Variants in CDC7 observed in about 807,000 individuals in gnomAD.
CDC7 encodes the protein cell division cycle 7, also known as cell division cycle 7-related protein kinase.
CDC7 carries 34 observed loss-of-function variants against 53.5 expected under a neutral mutation model. That is an observed-to-expected ratio of 0.64 (90% CI 0.48 to 0.85). The LOEUF (loss-of-function observed/expected upper bound fraction) is 0.85. Ranked by LOEUF, CDC7 falls within the 40% of genes least tolerant of loss-of-function variation. CDC7 has a pLI of 0.00. For missense variants in CDC7, 594 were observed against 679.7 expected, an observed-to-expected ratio of 0.87 and a Z score of 1.40; for synonymous variants, 211 against 222.8, an observed-to-expected ratio of 0.95 and a Z score of 0.47.
chr1:91,512,269 A>C (rs1281132547), intron 6 of CDC7, among the ~76,000 whole-genome samples: 4 of 152,048 alleles, frequency 2.6e-5, no homozygotes, highest in African/African-American at 9.7e-5. Flanking sequence ...TGCACAGATT[A>C]TTTCTGTTTC....
chr1:91,514,127 A>G, intron 8 of CDC7, 84 bp downstream of exon 8: 1 of 841,664 alleles, frequency 1.2e-6, no homozygotes, highest in South Asian at 2.0e-5. Context: ...AACATTTATT[A>G]TCAGAAATTT....
rs181613348 is a variant in CDC7 at position 91,514,702 on chromosome 1, A to G, written c.919-117A>G. 3.3e-4 allele frequency: 228 copies of G among 700,448 alleles called. 1 individual carries two copies. Among genetic ancestry groups the G allele is most frequent in the Admixed American group, 2.5e-3 (76 of 30,612 alleles). 43.4% of individuals were successfully genotyped at this position (700,448 alleles called of 1,614,324 possible). Reference sequence around the variant, plus strand: ...TAGACAACAGTTTATTTACAGTCCAATAGCCATTCAGCAGTTTTTAAAGTT... The same window carrying G: ...TAGACAACAGTTTATTTACAGTCCAGTAGCCATTCAGCAGTTTTTAAAGTT... On this transcript the variant is annotated intron_variant, in intron 8 of 11. Transcript: ENST00000234626.
chr1:91,508,389 A>G lies in CDC7; in HGVS notation c.327A>G (p.Thr109=), dbSNP rs375362150. 1 of 1,609,206 alleles carries G rather than the reference A, an allele frequency of 6.2e-7. No homozygotes were observed. The highest frequency in any genetic ancestry group is 1.1e-5 in the South Asian group (1 of 90,168). ...IRIAAELQCL[T]VAGGQDNVMG... is the part of the protein sequence containing the mutation. ...TTGCAGCTGAACTTCAGTGCCTAACAGTGGCTGGGTAGGCAATTTAAACAT... is the reference window on the plus strand; with the variant it reads ...TTGCAGCTGAACTTCAGTGCCTAACGGTGGCTGGGTAGGCAATTTAAACAT... The change falls in exon 4 of 12, where the codon ACA becomes ACG. Residue 109 remains threonine (T), a synonymous_variant. Transcript: ENST00000234626.
rs369332221 is a variant in CDC7 at position 91,511,930 on chromosome 1, A to G, written c.572+7A>G. On this transcript the variant is annotated splice_region_variant and intron_variant, in intron 6 of 11. Transcript: ENST00000234626. ...ATAATAGGCGCCTGAAAAAGTAAGT[A>G]TGAAGAGTTACTAGAAAATATTTAT... The G allele has an allele frequency of 1.4e-5, 22 of 1,561,398 alleles. No homozygotes were observed. Among genetic ancestry groups the G allele is most frequent in the African/African-American group, 2.7e-5 (2 of 73,444 alleles).
intron 2 of CDC7, among the ~76,000 whole-genome samples, 195 bp from the exon 3 acceptor site, chr1:91,507,659 C>T (rs1429922740): frequency 6.6e-6 from 1 of 152,018 alleles, no homozygotes; most frequent in Non-Finnish European, 1.5e-5. Context: ...CTGGGACTGT[C>T]ATTTTTGTCT....
intron 6 of CDC7, 113 bp from the exon 7 acceptor site, chr1:91,512,945 C>T: frequency 6.8e-6 from 6 of 883,566 alleles, no homozygotes; most frequent in East Asian, 2.6e-5. Flanking sequence ...TTATAAATTC[C>T]TAATTGATCC....
intron 4 of CDC7, among the ~76,000 whole-genome samples, chr1:91,511,000 T>G (rs977969676): frequency 3.9e-5 from 6 of 152,158 alleles, no homozygotes; most frequent in Non-Finnish European, 5.9e-5. Flanking sequence ...CTCACTGACT[T>G]CTCACTTGTC....
chr1:91,511,710 G>A lies in CDC7; in HGVS notation c.429+20G>A. On this transcript the variant is annotated intron_variant, in intron 5 of 11. Coordinates refer to ENST00000234626, the MANE Select transcript of CDC7 (RefSeq NM_003503.4). ...TTTTTGGTAGGTTTTAATATTTCTT[G>A]AATTTTTATTAGCTAAATATTTAAT... The A allele has an allele frequency of 1.6e-6, 2 of 1,246,846 alleles. No individual in the cohort carries two copies. The highest frequency in any genetic ancestry group is 2.3e-6 in the Non-Finnish European group (2 of 887,556). 77.2% of individuals were successfully genotyped at this position (1,246,846 alleles called of 1,614,324 possible). A position where few individuals can be genotyped will look rare whatever the true frequency, so the allele number is the denominator to read the frequency against.
At chr1:91,507,719 T>C in intron 2 of CDC7, 135 bp from the exon 3 acceptor site, 3 of 628,250 alleles carry the variant, frequency 4.8e-6, no homozygotes, top group Middle Eastern at 4.6e-4. Flanking sequence ...TTTAATCTTA[T>C]CACAATGTTA....
Position 91,511,778 on chromosome 1 carries a change from T to C in CDC7, c.430-3T>C. On this transcript the variant is annotated splice_region_variant and splice_polypyrimidine_tract_variant and intron_variant, in intron 5 of 11. Transcript: ENST00000234626. ...ACTCATTTCATTTGTAACTTTGTTT[T>C]AGGACATTCTGAATTCTCTTTCCTT... 1 of 1,603,642 alleles carries C rather than the reference T, an allele frequency of 6.2e-7. No homozygotes were observed. Among genetic ancestry groups the C allele is most frequent in the Non-Finnish European group, 8.5e-7 (1 of 1,172,734 alleles).
chr1:91,514,755 C>G (rs1667468522), intron 8 of CDC7, 64 bp from the exon 9 acceptor site: 1 of 1,287,124 alleles, frequency 7.8e-7, no homozygotes, highest in Non-Finnish European at 1.1e-6. Flanking sequence ...TTTTGCCATA[C>G]TAGCATTTTA....
In CDC7 at chr1:91,511,706, T is replaced by A; in HGVS notation, c.429+16T>A. 1 of 1,598,666 alleles carries A rather than the reference T, an allele frequency of 6.3e-7. No homozygotes were observed. Among genetic ancestry groups the A allele is most frequent in the Non-Finnish European group, 8.6e-7 (1 of 1,169,206 alleles). ...GTCGTTTTTGGTAGGTTTTAATATTTCTTGAATTTTTATTAGCTAAATATT... is the reference window on the plus strand; with the variant it reads ...GTCGTTTTTGGTAGGTTTTAATATTACTTGAATTTTTATTAGCTAAATATT... On this transcript the variant is annotated intron_variant, in intron 5 of 11. Transcript: ENST00000234626.
intron 2 of CDC7, among the ~76,000 whole-genome samples, chr1:91,506,080 G>A (rs1666971816): frequency 6.6e-6 from 1 of 152,124 alleles, no homozygotes; most frequent in African/African-American, 2.4e-5. Flanking sequence ...CACGATCATA[G>A]TTTAGTAACC....
At position 91,524,256 on chromosome 1, in the gene CDC7, G is replaced by A. The variant is rs757454355; in HGVS notation, c.1546G>A (p.Gly516Arg). 6 of 1,614,018 alleles carry A rather than the reference G, an allele frequency of 3.7e-6. No homozygotes were observed. The highest frequency in any genetic ancestry group is 3.3e-5 in the Admixed American group (2 of 60,022). The change falls in exon 12 of 12, where the codon GGG becomes AGG. Residue 516 changes from glycine (G) to arginine (R), a missense_variant. Physicochemically the swap from Gly to Arg is moderately radical, Grantham distance 125. Coordinates refer to ENST00000234626, the MANE Select transcript of CDC7 (RefSeq NM_003503.4). Reference protein sequence around the residue: ...GQYSGNSFKKGDSNSCEHCFD... With the variant: ...GQYSGNSFKKRDSNSCEHCFD... ...ATACTCAGGGAATTCATTTAAAAAG[G>A]GGGATAGTAATAGCTGTGAGCATTG...
At position 91,525,500 on chromosome 1, in the gene CDC7, A is replaced by G. The variant is rs1668221164; in HGVS notation, c.*1065A>G. 1 of 152,166 alleles carries G rather than the reference A, an allele frequency of 6.6e-6. No homozygotes were observed. The highest frequency in any genetic ancestry group is 2.4e-5 in the African/African-American group (1 of 41,462). 9.4% of individuals were successfully genotyped at this position (152,166 alleles called of 1,614,324 possible). A position where few individuals can be genotyped will look rare whatever the true frequency, so the allele number is the denominator to read the frequency against. ...AAATGGTATATATCAATGACAGCAT[A>G]TCAAACTTCCTATGGGAAAAAGTCT... On this transcript the variant is annotated 3_prime_UTR_variant, in exon 12 of 12. Coordinates refer to ENST00000234626, the MANE Select transcript of CDC7 (RefSeq NM_003503.4).
chr1:91,523,145 G>T (rs1668059035), intron 11 of CDC7, among the ~76,000 whole-genome samples: 1 of 152,072 alleles, frequency 6.6e-6, no homozygotes, highest in Admixed American at 6.6e-5. Flanking sequence ...ATTTATTGGG[G>T]CTTTATGTGT....
In CDC7 at chr1:91,525,739, A is replaced by G. The variant is rs373119988; in HGVS notation, c.*1304A>G. 6 of 152,242 alleles carry G rather than the reference A, an allele frequency of 3.9e-5. No homozygotes were observed. Among genetic ancestry groups the G allele is most frequent in the African/African-American group, 1.4e-4 (6 of 41,578 alleles). 9.4% of individuals were successfully genotyped at this position (152,242 alleles called of 1,614,324 possible). On this transcript the variant is annotated 3_prime_UTR_variant, in exon 12 of 12. Transcript: ENST00000234626. ...GAATGCTCTTGAATTTGTATATTCA[A>G]TAAAGTTATCCTTTTATATTTTTTA... is the stretch of plus-strand genomic sequence containing the variant.
intron 10 of CDC7, among the ~76,000 whole-genome samples, chr1:91,516,449 T>C (rs1034159955): frequency 2.6e-5 from 4 of 152,236 alleles, no homozygotes; most frequent in Non-Finnish European, 5.9e-5. Flanking sequence ...TGAATCCTGC[T>C]ATTCACTTGG....
chr1:91,506,466 G>A (rs1192814671), intron 2 of CDC7, among the ~76,000 whole-genome samples: 2 of 151,952 alleles, frequency 1.3e-5, no homozygotes, highest in Non-Finnish European at 2.9e-5. Flanking sequence ...TCAACTGAAG[G>A]CTTCCTATCA....
Sources: gnomAD v4.1 joint callset for allele counts (sites outside exome capture counted in the v4.1 genomes callset) on GRCh38, gnomAD v4.1.1 for gene constraint, MANE v1.5 for transcripts, NCBI Gene and HGNC (gene_info 2026-07-23, HGNC 2026-07-21) for gene names.